Variants in SH3PXD2A observed in about 807,000 individuals in gnomAD.
The protein encoded by SH3PXD2A is SH3 and PX domain-containing protein 2A.
A neutral mutation model predicts 115.2 loss-of-function variants in SH3PXD2A; 32 were observed. The observed-to-expected ratio is 0.28, with a 90% CI of 0.21 to 0.37. SH3PXD2A has a LOEUF of 0.37. SH3PXD2A is among the 10% of genes least tolerant of loss of function. The pLI is 1.00. For synonymous variants in SH3PXD2A, 610 were observed against 629.1 expected (o/e 0.97, Z 0.45); for missense variants, 1,328 against 1,498.7 (o/e 0.89, Z 1.88).
chr10:103,662,198 A>G (rs2037316374), intron 7 of SH3PXD2A, among the ~76,000 whole-genome samples: 1 of 152,062 alleles, frequency 6.6e-6, no homozygotes, highest in African/African-American at 2.4e-5. Flanking sequence ...TGTCCTCCTC[A>G]GCCACTGGAC....
At chr10:103,765,599 G>T (rs1022228406) in intron 3 of SH3PXD2A, among the ~76,000 whole-genome samples, 1 of 152,248 alleles carries the variant, frequency 6.6e-6, no homozygotes, top group African/African-American at 2.4e-5. Flanking sequence ...AGTGCTAGCT[G>T]AGGAAGAAGT....
chr10:103,648,524 C>T (rs993318691), intron 8 of SH3PXD2A, among the ~76,000 whole-genome samples: 8 of 152,212 alleles, frequency 5.3e-5, no homozygotes, highest in African/African-American at 4.8e-5. Context: ...CAGGGAGAGA[C>T]ACCCTCGCTC....
At chr10:103,794,692 C>T (rs1218630958) in intron 2 of SH3PXD2A, among the ~76,000 whole-genome samples, 7 of 152,216 alleles carry the variant, frequency 4.6e-5, no homozygotes, top group Non-Finnish European at 1.0e-4. Context: ...CTGTCCTGGT[C>T]AGCTTTCCCT....
At chr10:103,794,125 C>G (rs2039063549) in intron 2 of SH3PXD2A, among the ~76,000 whole-genome samples, 1 of 152,166 alleles carries the variant, frequency 6.6e-6, no homozygotes, top group South Asian at 2.1e-4. Flanking sequence ...TATAATTTTT[C>G]CACCCATCAT....
intron 4 of SH3PXD2A, among the ~76,000 whole-genome samples, chr10:103,732,407 T>C (rs2038331484): frequency 6.6e-6 from 1 of 152,258 alleles, no homozygotes; most frequent in Non-Finnish European, 1.5e-5. Context: ...CCCCTCTTCA[T>C]AGACACCTGA....
At chr10:103,758,114 G>A (rs1004940207) in intron 3 of SH3PXD2A, among the ~76,000 whole-genome samples, 2 of 152,220 alleles carry the variant, frequency 1.3e-5, no homozygotes, top group Non-Finnish European at 2.9e-5. Context: ...CCGTGTGACT[G>A]GGCCAGATGG....
In SH3PXD2A at chr10:103,639,895, G is replaced by A. The variant is rs146256969; in HGVS notation, c.605-12693C>T. Among the ~76,000 whole-genome samples the A allele has an allele frequency of 1.6e-3, 251 of 152,310 alleles. 1 individual carries two copies. The highest frequency in any genetic ancestry group is 0.01 in the Middle Eastern group (3 of 294). On this transcript the variant is annotated intron_variant, in intron 8 of 14. Transcript: ENST00000369774. The stretch of plus-strand genomic sequence containing the variant: ...GGCAGTCAGGGAAGGAGAGTGGGGC[G>A]GGAAGGGGTGGCCTGCTAAGAATCC...
intron 2 of SH3PXD2A, among the ~76,000 whole-genome samples, chr10:103,775,689 G>A (rs768893921): frequency 6.6e-6 from 1 of 152,180 alleles, no homozygotes; most frequent in Non-Finnish European, 1.5e-5. Context: ...GATCCGGGGT[G>A]GAGGCTCCTG....
At position 103,814,013 on chromosome 10, in the gene SH3PXD2A, A is replaced by AC. The variant is rs1464062078; in HGVS notation, c.73-12652_73-12651insG. On this transcript the variant is annotated intron_variant, in intron 1 of 14. Coordinates refer to ENST00000369774, the MANE Select transcript of SH3PXD2A (RefSeq NM_001394015.1). ...ACTGGACTAGCTAAAAAAAAAAAAAAAACAACAAAAAAAAAACCACACCCT... is the reference window on the plus strand; with the variant it reads ...ACTGGACTAGCTAAAAAAAAAAAAAACAACAACAAAAAAAAAACCACACCCT... Among the ~76,000 whole-genome samples the AC allele has an allele frequency of 5.1e-4, 59 of 116,618 alleles. 1 individual carries two copies. The highest frequency in any genetic ancestry group is 1.6e-3 in the African/African-American group (56 of 34,544). The allele number at this position is 116,618 out of a possible 152,430, so 76.5% of individuals were successfully genotyped here. A position where few individuals can be genotyped will look rare whatever the true frequency, so the allele number is the denominator to read the frequency against.
At chr10:103,815,102 A>T (rs972406954) in intron 1 of SH3PXD2A, among the ~76,000 whole-genome samples, 1 of 152,216 alleles carries the variant, frequency 6.6e-6, no homozygotes, top group African/African-American at 2.4e-5. Context: ...AAAACTATTA[A>T]AGTCTTAGAA....
intron 3 of SH3PXD2A, among the ~76,000 whole-genome samples, chr10:103,759,392 T>G (rs1278322418): frequency 2.0e-5 from 3 of 152,182 alleles, no homozygotes; most frequent in African/African-American, 4.8e-5. Flanking sequence ...CCCTAAGCAA[T>G]CTCACTTCTC....
intron 8 of SH3PXD2A, among the ~76,000 whole-genome samples, chr10:103,630,906 C>T (rs966110395): frequency 3.3e-5 from 5 of 152,210 alleles, no homozygotes; most frequent in Non-Finnish European, 7.3e-5. Flanking sequence ...GCACCGTTTA[C>T]CTTACGGTAA....
At chr10:103,701,518 TCATCCATCCATCCACCATC>T (rs1265712094) in intron 5 of SH3PXD2A, among the ~76,000 whole-genome samples, 1 of 129,762 alleles carries the variant, frequency 7.7e-6, no homozygotes, top group East Asian at 2.8e-4. Flanking sequence ...CATCCATCCA[TCATCCATCCATCCACCATC>T]CATCCATCCA....
intron 5 of SH3PXD2A, among the ~76,000 whole-genome samples, chr10:103,718,640 T>C (rs766750986): frequency 3.3e-5 from 5 of 152,112 alleles, no homozygotes; most frequent in Non-Finnish European, 7.4e-5. Flanking sequence ...CCTTCGTGGG[T>C]GGCCTAATAT....
intron 3 of SH3PXD2A, among the ~76,000 whole-genome samples, chr10:103,742,032 C>T (rs971482363): frequency 6.6e-6 from 1 of 152,154 alleles, no homozygotes; most frequent in African/African-American, 2.4e-5. Flanking sequence ...GCCTGTGATC[C>T]CAGCTACTCA....
intron 3 of SH3PXD2A, among the ~76,000 whole-genome samples, chr10:103,760,126 A>C (rs889411329): frequency 2.0e-5 from 3 of 152,188 alleles, no homozygotes; most frequent in Admixed American, 6.5e-5. Flanking sequence ...CTTGGGAGCA[A>C]AAGGGCAGGT....
At chr10:103,773,542 C>T (rs1405012905) in intron 2 of SH3PXD2A, among the ~76,000 whole-genome samples, 5 of 151,564 alleles carry the variant, frequency 3.3e-5, no homozygotes, top group African/African-American at 1.2e-4. Context: ...CAGGTTCAAG[C>T]GATTCTTCTG....
chr10:103,698,964 G>A (rs1251288401), intron 5 of SH3PXD2A, among the ~76,000 whole-genome samples: 1 of 152,136 alleles, frequency 6.6e-6, no homozygotes, highest in Non-Finnish European at 1.5e-5. Flanking sequence ...TGGGCAGTGA[G>A]GGTAGTGGGT....
intron 5 of SH3PXD2A, among the ~76,000 whole-genome samples, chr10:103,706,942 G>A (rs2037988302): frequency 6.6e-6 from 1 of 152,198 alleles, no homozygotes; most frequent in South Asian, 2.1e-4. Context: ...GCGGCCTCCT[G>A]TGCTCCGTCC....
Sources: allele counts gnomAD v4.1 joint callset (sites outside exome capture counted in the v4.1 genomes callset), GRCh38; gene constraint gnomAD v4.1.1; transcripts MANE v1.5; gene names NCBI Gene and HGNC (gene_info 2026-07-23, HGNC 2026-07-21).